The following LUZP2 variants were observed in gnomAD, a reference collection of about 807,000 sequenced individuals.
LUZP2 encodes the protein leucine zipper protein 2.
A neutral mutation model predicts 51.6 loss-of-function variants in LUZP2; 52 were observed. The observed-to-expected ratio is 1.01, with a 90% CI of 0.81 to 1.27. The LOEUF is 1.27. LUZP2 is among the 50% of genes most tolerant of loss of function. The probability of loss-of-function intolerance (pLI) is 0.00; values close to 1 mark genes in which losing one functional copy is unlikely to be tolerated. For missense variants in LUZP2, 436 were observed against 395.4 expected, an observed-to-expected ratio of 1.10 and a Z score of -0.87; for synonymous variants, 154 against 137.3, an observed-to-expected ratio of 1.12 and a Z score of -0.85.
At chr11:24,497,475 C>G (rs1205479918) in intron 1 of LUZP2, among the ~76,000 whole-genome samples, 170 bp downstream of exon 1, 2 of 152,146 alleles carry the variant, frequency 1.3e-5, no homozygotes, top group Non-Finnish European at 2.9e-5. Context: ...GAGAGCAGAG[C>G]CCTTTCCTAG....
chr11:24,658,581 T>C (rs1476795490), intron 1 of LUZP2, among the ~76,000 whole-genome samples: 1 of 152,110 alleles, frequency 6.6e-6, no homozygotes, highest in Non-Finnish European at 1.5e-5. Context: ...AAATGGGATC[T>C]AATTAAATAA....
intron 5 of LUZP2, among the ~76,000 whole-genome samples, chr11:24,905,732 A>G (rs905354076): frequency 3.9e-5 from 6 of 152,144 alleles, no homozygotes; most frequent in Admixed American, 1.3e-4. Flanking sequence ...CATATCAATT[A>G]TCTTTTCTCC....
At chr11:25,044,656 T>G (rs1858233650) in intron 9 of LUZP2, among the ~76,000 whole-genome samples, 1 of 152,036 alleles carries the variant, frequency 6.6e-6, no homozygotes. Context: ...GTGTGGCGAT[T>G]CCTCAGGGAT....
intron 1 of LUZP2, among the ~76,000 whole-genome samples, chr11:24,527,567 TCACACACA>T (rs1554948856): frequency 2.3e-5 from 3 of 131,560 alleles, no homozygotes; most frequent in South Asian, 2.5e-4. Context: ...TCTCTCTCTC[TCACACACA>T]CACACACACA....
intron 1 of LUZP2, among the ~76,000 whole-genome samples, chr11:24,687,066 A>G (rs1856917945): frequency 6.6e-6 from 1 of 152,192 alleles, no homozygotes; most frequent in Non-Finnish European, 1.5e-5. Flanking sequence ...GAAGAAAAAC[A>G]TTACACTACA....
chr11:24,832,996 T>C (rs1850745495), intron 5 of LUZP2, among the ~76,000 whole-genome samples: 1 of 152,178 alleles, frequency 6.6e-6, no homozygotes, highest in South Asian at 2.1e-4. Context: ...TTTGGACTAA[T>C]CACCTAACCT....
intron 1 of LUZP2, among the ~76,000 whole-genome samples, chr11:24,571,104 T>A (rs1852424966): frequency 6.6e-6 from 1 of 152,002 alleles, no homozygotes; most frequent in African/African-American, 2.4e-5. Context: ...TGCCTGAAGA[T>A]CAGATGGGTT....
intron 1 of LUZP2, among the ~76,000 whole-genome samples, chr11:24,605,581 T>C (rs1853889496): frequency 6.6e-6 from 1 of 151,850 alleles, no homozygotes; most frequent in African/African-American, 2.4e-5. Context: ...TGAATGGACA[T>C]TGATAATTTT....
intron 1 of LUZP2, among the ~76,000 whole-genome samples, chr11:24,509,009 T>C (rs914925179): frequency 1.3e-5 from 2 of 152,054 alleles, no homozygotes. Flanking sequence ...GGGAAGTAAC[T>C]CAGAAACTAA....
chr11:24,682,618 A>G (rs938786130), intron 1 of LUZP2, among the ~76,000 whole-genome samples: 76 of 97,314 alleles, frequency 7.8e-4, no homozygotes, highest in African/African-American at 2.7e-3. Flanking sequence ...GTGTATGTGT[A>G]TATATATATA....
chr11:24,810,855 C>G (rs530769189), intron 5 of LUZP2, among the ~76,000 whole-genome samples: 8 of 152,028 alleles, frequency 5.3e-5, no homozygotes, highest in Non-Finnish European at 1.2e-4. Context: ...TTGCTGTTAC[C>G]GTGTATGCTC....
At chr11:24,602,064 A>ATATATG (rs1565020183) in intron 1 of LUZP2, among the ~76,000 whole-genome samples, 1 of 139,742 alleles carries the variant, frequency 7.2e-6, no homozygotes, top group African/African-American at 2.7e-5. Flanking sequence ...ATATATGTGT[A>ATATATG]TATATATGCG....
intron 1 of LUZP2, among the ~76,000 whole-genome samples, chr11:24,612,245 T>C (rs1854148202): frequency 6.6e-6 from 1 of 152,160 alleles, no homozygotes; most frequent in South Asian, 2.1e-4. Flanking sequence ...AAATTAGTGA[T>C]GGGGTCACTA....
chr11:24,682,491 C>T (rs1269779750), intron 1 of LUZP2, among the ~76,000 whole-genome samples: 2 of 91,008 alleles, frequency 2.2e-5, no homozygotes, highest in Non-Finnish European at 4.8e-5. Flanking sequence ...CAAGACTCCA[C>T]CTTGGAAAAA....
chr11:24,847,508 C>T lies in LUZP2; in HGVS notation c.397-58483C>T, dbSNP rs117817077. ...AGGGCAGAAAAACACAGAAATAATG[C>T]TGTGCTCTTTACTGGAGGCACATTA... is the stretch of plus-strand genomic sequence containing the variant. On this transcript the variant is annotated intron_variant, in intron 5 of 11. Coordinates refer to ENST00000336930, the MANE Select transcript of LUZP2 (RefSeq NM_001009909.4). Among the ~76,000 whole-genome samples the T allele has an allele frequency of 7.2e-3, 1,094 of 152,296 alleles. 9 individuals carry two copies. The highest frequency in any genetic ancestry group is 0.013 in the Non-Finnish European group (857 of 68,016).
chr11:24,630,897 T>C (rs1442981294), intron 1 of LUZP2, among the ~76,000 whole-genome samples: 1 of 151,910 alleles, frequency 6.6e-6, no homozygotes, highest in African/African-American at 2.4e-5. Flanking sequence ...TAAGTTTCTT[T>C]TTGTAGAGAT....
chr11:25,047,116 A>C (rs1858336776), intron 9 of LUZP2, among the ~76,000 whole-genome samples: 1 of 152,114 alleles, frequency 6.6e-6, no homozygotes, highest in Admixed American at 6.6e-5. Flanking sequence ...GTGTGATTCA[A>C]TCCATTCTTC....
intron 9 of LUZP2, among the ~76,000 whole-genome samples, chr11:24,997,610 G>A (rs1338239132): frequency 6.6e-6 from 1 of 151,988 alleles, no homozygotes; most frequent in Non-Finnish European, 1.5e-5. Flanking sequence ...CTGTGCAGAA[G>A]CTCTTTAGTT....
At chr11:25,018,465 T>G (rs974575294) in intron 9 of LUZP2, among the ~76,000 whole-genome samples, 1 of 152,138 alleles carries the variant, frequency 6.6e-6, no homozygotes, top group Non-Finnish European at 1.5e-5. Flanking sequence ...ATAAGGAATA[T>G]TTATCTCTTC....
Sources: allele counts gnomAD v4.1 joint callset (sites outside exome capture counted in the v4.1 genomes callset), GRCh38; gene constraint gnomAD v4.1.1; transcripts MANE v1.5; gene names NCBI Gene and HGNC (gene_info 2026-07-23, HGNC 2026-07-21).